SGIP1: variants seen among roughly 807,000 people sequenced by gnomAD.
SGIP1 encodes the protein SH3GL interacting endocytic adaptor 1.
In SGIP1, 38 loss-of-function variants were observed where a neutral mutation model predicts 107.5. That is an observed-to-expected ratio of 0.35 (90% CI 0.27 to 0.46). The LOEUF (loss-of-function observed/expected upper bound fraction) is 0.46, where lower values mean the gene tolerates loss of function less well. Ranked by LOEUF, SGIP1 falls within the 20% of genes least tolerant of loss-of-function variation. SGIP1 has a pLI of 1.00. For synonymous variants in SGIP1, 365 were observed against 366.1 expected, an observed-to-expected ratio of 1.00 and a Z score of 0.03; for missense variants, 929 against 1,019.5, an observed-to-expected ratio of 0.91 and a Z score of 1.21.
chr1:66,644,889 A>G (rs1294436832), intron 7 of SGIP1, among the ~76,000 whole-genome samples: 1 of 152,208 alleles, frequency 6.6e-6, no homozygotes, highest in African/African-American at 2.4e-5. Context: ...AAAGGGAAGC[A>G]TGAAATGTAT....
chr1:66,673,553 T>A (rs1284697290), intron 12 of SGIP1, among the ~76,000 whole-genome samples, 187 bp downstream of exon 12: 1 of 152,200 alleles, frequency 6.6e-6, no homozygotes, highest in African/African-American at 2.4e-5. Flanking sequence ...TATTTTAGGA[T>A]TTGAAACTTT....
intron 17 of SGIP1, chr1:66,694,418 TTA>T (rs1209865643): frequency 8.1e-6 from 13 of 1,602,992 alleles, no homozygotes; most frequent in Non-Finnish European, 1.1e-5. Flanking sequence ...TTCCATTCGT[TTA>T]TGTTTCTTTG....
At chr1:66,670,909 A>G in intron 9 of SGIP1, 86 bp from the exon 10 acceptor site, 2 of 607,738 alleles carry the variant, frequency 3.3e-6, no homozygotes, top group East Asian at 3.1e-5. Flanking sequence ...ATTTGAGTTC[A>G]GTTTAATTGC....
chr1:66,659,815 T>C (rs2080532049), intron 7 of SGIP1, among the ~76,000 whole-genome samples: 1 of 150,748 alleles, frequency 6.6e-6, no homozygotes, highest in Non-Finnish European at 1.5e-5. Context: ...GAGGCTGAGG[T>C]GGGAGGATCT....
chr1:66,569,731 T>C (rs2060128307), intron 1 of SGIP1, among the ~76,000 whole-genome samples: 1 of 151,772 alleles, frequency 6.6e-6, no homozygotes, highest in African/African-American at 2.4e-5. Flanking sequence ...GTTTTTGGTT[T>C]TGTCCTCATA....
chr1:66,545,368 A>G (rs2056139270), intron 1 of SGIP1, among the ~76,000 whole-genome samples: 1 of 152,188 alleles, frequency 6.6e-6, no homozygotes, highest in Non-Finnish European at 1.5e-5. Context: ...TGGACTAACG[A>G]AAGACTGTCT....
chr1:66,578,709 T>C (rs1460945893), intron 1 of SGIP1, among the ~76,000 whole-genome samples: 2 of 152,192 alleles, frequency 1.3e-5, no homozygotes, highest in African/African-American at 4.8e-5. Context: ...TTCACTCTTG[T>C]TGCCTAGACT....
upstream of SGIP1, chr1:66,534,130 C>T (rs933962004): frequency 1.2e-5 from 7 of 594,904 alleles, no homozygotes; most frequent in Non-Finnish European, 2.1e-5. Flanking sequence ...GCCAGCTTGC[C>T]GTTCCTCTCC....
chr1:66,722,313 G>A (rs501193), intron 19 of SGIP1, among the ~76,000 whole-genome samples: 2,191 of 152,040 alleles, frequency 0.014, 20 homozygotes, highest in Non-Finnish European at 0.023. Flanking sequence ...TAACAACACC[G>A]CTCCCCACCC....
Position 66,697,930 on chromosome 1 carries a change from A to T in SGIP1, c.1630+2437A>T, listed in dbSNP as rs1053417062. ...CCCACATTTGTTATTATTAATATTA[A>T]TTAACATTATCTTTAATTCTTCATT... On this transcript the variant is annotated intron_variant, in intron 18 of 24. Transcript: ENST00000371037. Among the ~76,000 whole-genome samples the T allele has an allele frequency of 3.9e-5, 6 of 152,192 alleles. No individual in the cohort carries two copies. The South Asian group carries it at 6.2e-4, about 16-fold the overall frequency.
In SGIP1 at chr1:66,551,651, A is replaced by G. The variant is rs576931837; in HGVS notation, c.10+17283A>G. Among the ~76,000 whole-genome samples, 3 of 152,304 alleles carry G rather than the reference A, an allele frequency of 2.0e-5. No individual in the cohort carries two copies. The South Asian group carries it at 6.2e-4, about 32-fold the overall frequency. Reference sequence around the variant, plus strand: ...ATGCCAATCCTCTCCAAGTTTATTTATAGACCTGAAATTGAGTATTTATGC... The same window carrying G: ...ATGCCAATCCTCTCCAAGTTTATTTGTAGACCTGAAATTGAGTATTTATGC... On this transcript the variant is annotated intron_variant, in intron 1 of 24. Transcript: ENST00000371037.
At chr1:66,655,234 C>T (rs1325513469) in intron 7 of SGIP1, among the ~76,000 whole-genome samples, 1 of 151,964 alleles carries the variant, frequency 6.6e-6, no homozygotes, top group Non-Finnish European at 1.5e-5. Flanking sequence ...AGACTAACGC[C>T]TGCCATTCTT....
intron 1 of SGIP1, among the ~76,000 whole-genome samples, chr1:66,567,085 C>A (rs1035755977): frequency 6.6e-6 from 1 of 152,028 alleles, no homozygotes; most frequent in Non-Finnish European, 1.5e-5. Context: ...TGTATACATA[C>A]CACATTTTCT....
intron 17 of SGIP1, chr1:66,695,201 A>C (rs16844): frequency 1.3e-6 from 1 of 786,340 alleles, no homozygotes. Flanking sequence ...CCACCAACAC[A>C]TTCCCATTCC....
Position 66,741,260 on chromosome 1 carries a change from G to GTTTT in SGIP1, c.2300-6_2300-3dup. The GTTTT allele has an allele frequency of 6.6e-7, 1 of 1,508,054 alleles. No individual in the cohort carries two copies. The highest frequency in any genetic ancestry group is 9.0e-7 in the Non-Finnish European group (1 of 1,116,794). 93.4% of individuals were successfully genotyped at this position (1,508,054 alleles called of 1,614,324 possible). The stretch of plus-strand genomic sequence containing the variant: ...GTTGACTGTTACCTTGTAATAATGT[G>GTTTT]TTTTTTTTTAGGGGTGGGTTCTTTG... On this transcript the variant is annotated splice_polypyrimidine_tract_variant and intron_variant, in intron 23 of 24. Coordinates refer to ENST00000371037, the MANE Select transcript of SGIP1 (RefSeq NM_032291.4).
At chr1:66,642,219 T>C (rs981893310) in intron 5 of SGIP1, among the ~76,000 whole-genome samples, 1 of 152,164 alleles carries the variant, frequency 6.6e-6, no homozygotes, top group Non-Finnish European at 1.5e-5. Flanking sequence ...TCCAGCCATG[T>C]CATCCTTGCT....
Position 66,747,517 on chromosome 1 carries a change from T to A in SGIP1, c.*4422T>A, listed in dbSNP as rs1429267317. 1 of 152,038 alleles carries A rather than the reference T, an allele frequency of 6.6e-6. No individual in the cohort carries two copies. Among genetic ancestry groups the A allele is most frequent in the Non-Finnish European group, 1.5e-5 (1 of 67,898 alleles). 9.4% of individuals were successfully genotyped at this position (152,038 alleles called of 1,614,324 possible). A position where few individuals can be genotyped will look rare whatever the true frequency, so the allele number is the denominator to read the frequency against. ...CCTTTTCTTCAATGTCTTAAAAGAC[T>A]TGAAGTAGAAGGGAAGTTGCAAGCT... is the stretch of plus-strand genomic sequence containing the variant. On this transcript the variant is annotated 3_prime_UTR_variant, in exon 25 of 25. Transcript: ENST00000371037.
intron 2 of SGIP1, among the ~76,000 whole-genome samples, chr1:66,627,325 A>G (rs2073090964): frequency 6.6e-6 from 1 of 152,142 alleles, no homozygotes; most frequent in South Asian, 2.1e-4. Flanking sequence ...GGGAACAACA[A>G]AAGCAAAAGT....
intron 1 of SGIP1, among the ~76,000 whole-genome samples, chr1:66,586,187 A>G (rs952384426): frequency 1.3e-5 from 2 of 152,136 alleles, no homozygotes; most frequent in African/African-American, 2.4e-5. Flanking sequence ...TGTCTTCATA[A>G]TATATTTTCC....
Sources: gnomAD v4.1 joint callset for allele counts (sites outside exome capture counted in the v4.1 genomes callset) on GRCh38, gnomAD v4.1.1 for gene constraint, MANE v1.5 for transcripts, NCBI Gene and HGNC (gene_info 2026-07-23, HGNC 2026-07-21) for gene names.